The following ATP2B2 variants were observed in gnomAD, a reference collection of about 807,000 sequenced individuals.
ATP2B2 encodes ATPase plasma membrane Ca2+ transporting 2.
A neutral mutation model predicts 120.0 loss-of-function variants in ATP2B2; 15 were observed. That is an observed-to-expected ratio of 0.12 (90% confidence interval 0.08 to 0.19). The LOEUF (loss-of-function observed/expected upper bound fraction) is 0.19, where lower values mean the gene tolerates loss of function less well. ATP2B2 is among the 10% of genes least tolerant of loss of function. ATP2B2 has a pLI of 1.00. For missense variants in ATP2B2, 1,045 were observed against 1,719.8 expected, an observed-to-expected ratio of 0.61 and a Z score of 6.94; for synonymous variants, 694 against 700.3, an observed-to-expected ratio of 0.99 and a Z score of 0.14.
rs2060429498 is a variant in ATP2B2 at position 10,346,259 on chromosome 3, C to T, written c.2405-122G>A. On this transcript the variant is annotated intron_variant, in intron 16 of 22. Transcript: ENST00000360273. The surrounding 1 kb of genome is among the most constrained non-coding windows in gnomAD (Gnocchi z 4.1). ...TTCCTCTCTGGTCCCTGTCCAGCCG[C>T]CCCCTCCATCCAGGCTCTTCCCAGC... The T allele has an allele frequency of 2.2e-6, 2 of 905,326 alleles. No homozygotes were observed. The highest frequency in any genetic ancestry group is 2.6e-5 in the East Asian group (1 of 38,054). The allele number at this position is 905,326 out of a possible 1,614,324, so 56.1% of individuals were successfully genotyped here. A position where few individuals can be genotyped will look rare whatever the true frequency, so the allele number is the denominator to read the frequency against.
At chr3:10,695,251 G>GGGGGGGGAGAGA (rs796790324) in intron 1 of ATP2B2, among the ~76,000 whole-genome samples, 1 of 126,908 alleles carries the variant, frequency 7.9e-6, no homozygotes, top group African/African-American at 3.4e-5. Flanking sequence ...AGGGAGGGAG[G>GGGGGGGGAGAGA]GAGAGAGAGA....
intron 2 of ATP2B2, among the ~76,000 whole-genome samples, chr3:10,423,183 T>C (rs935304775): frequency 5.9e-5 from 9 of 152,222 alleles, no homozygotes; most frequent in Admixed American, 5.9e-4. Context: ...TTAACAAACT[T>C]ATTGTTTATT....
intron 1 of ATP2B2, among the ~76,000 whole-genome samples, chr3:10,472,230 A>G (rs548635176): frequency 6.6e-6 from 1 of 152,212 alleles, no homozygotes; most frequent in East Asian, 1.9e-4. Flanking sequence ...CGGAGGAAAG[A>G]GTGAGGGCAG....
Position 10,449,023 on chromosome 3 carries a change from C to A in ATP2B2, c.199+322G>T, listed in dbSNP as rs570416471. On this transcript the variant is annotated intron_variant, in intron 2 of 22. Transcript: ENST00000360273. ...TCTGCCTCTGCCTCAGAAACTAGTGCCTCCCATAGTAACAGAATGTTGAAC... is the reference window on the plus strand; with the variant it reads ...TCTGCCTCTGCCTCAGAAACTAGTGACTCCCATAGTAACAGAATGTTGAAC... Among the ~76,000 whole-genome samples, 17 of 152,330 alleles carry A rather than the reference C, an allele frequency of 1.1e-4. No homozygotes were observed. The South Asian group carries it at 3.5e-3, about 32-fold the overall frequency.
intron 2 of ATP2B2, among the ~76,000 whole-genome samples, chr3:10,601,197 A>G (rs1433204097): frequency 3.3e-5 from 5 of 152,106 alleles, no homozygotes; most frequent in Non-Finnish European, 7.4e-5. Context: ...CTAGGCAAAA[A>G]AGAAGAAGGA....
intron 2 of ATP2B2, among the ~76,000 whole-genome samples, chr3:10,438,684 A>T (rs1374975215): frequency 6.6e-6 from 1 of 152,210 alleles, no homozygotes; most frequent in East Asian, 1.9e-4. Flanking sequence ...GCCTGTATAA[A>T]TAACTTACCC....
intron 1 of ATP2B2, among the ~76,000 whole-genome samples, chr3:10,476,586 T>C (rs1292137291): frequency 1.3e-5 from 2 of 152,220 alleles, no homozygotes; most frequent in Admixed American, 1.3e-4. Context: ...ACAGCTTTTC[T>C]GTGGCTGCAT....
At chr3:10,410,562 C>G in intron 3 of ATP2B2, 56 bp downstream of exon 3, 1 of 1,527,418 alleles carries the variant, frequency 6.5e-7, no homozygotes, top group Non-Finnish European at 8.9e-7. Context: ...TGCCCCCCAG[C>G]GTGGATGCGG....
At chr3:10,597,474 A>G (rs60960306) in intron 2 of ATP2B2, among the ~76,000 whole-genome samples, 22,080 of 152,134 alleles carry the variant, frequency 0.15, 1,782 homozygotes, top group East Asian at 0.34. Context: ...GGAAGTTAGG[A>G]GGAGCCCCTA....
Position 10,328,661 on chromosome 3 carries a change from G to T in ATP2B2, c.*153C>A. On this transcript the variant is annotated 3_prime_UTR_variant, in exon 23 of 23. Transcript: ENST00000360273. ...AGCATCGCAGCCAGAGAAAGGGTCT[G>T]TGGGTGGAAACGTTGGTTTTCTCTC... 1 of 754,140 alleles carries T rather than the reference G, an allele frequency of 1.3e-6. No individual in the cohort carries two copies. Among genetic ancestry groups the T allele is most frequent in the Non-Finnish European group, 2.1e-6 (1 of 476,090 alleles). The allele number at this position is 754,140 out of a possible 1,614,324, so 46.7% of individuals were successfully genotyped here.
intron 2 of ATP2B2, among the ~76,000 whole-genome samples, chr3:10,545,187 A>G: frequency 6.6e-6 from 1 of 152,238 alleles, no homozygotes; most frequent in African/African-American, 2.4e-5. Flanking sequence ...GACTAAGACA[A>G]AAGTGAAACT....
At chr3:10,471,730 A>G (rs11918552) in intron 1 of ATP2B2, among the ~76,000 whole-genome samples, 40,243 of 152,124 alleles carry the variant, frequency 0.26, 6,787 homozygotes, top group Non-Finnish European at 0.38. Flanking sequence ...GTCTGTATAC[A>G]TCAAAGCATC....
rs186716357 is a variant in ATP2B2 at position 10,547,173 on chromosome 3, G to A, written c.-414-13040C>T. On this transcript the variant is annotated intron_variant, in intron 2 of 21. Transcript: ENST00000646379. ...CAAGGGCGGGGGCAAAGAGGCAGGC[G>A]GGTACAGCTCACAGTAGATGTAGGA... Among the ~76,000 whole-genome samples the A allele has an allele frequency of 6.4e-3, 981 of 152,174 alleles. 6 individuals carry two copies. The highest frequency in any genetic ancestry group is 8.4e-3 in the Non-Finnish European group (571 of 67,988).
At chr3:10,495,421 C>T (rs1231753238) in intron 1 of ATP2B2, among the ~76,000 whole-genome samples, 3 of 152,192 alleles carry the variant, frequency 2.0e-5, no homozygotes, top group Non-Finnish European at 2.9e-5. Context: ...TCTCTGAGAC[C>T]ATGTTGCTCA....
At chr3:10,469,239 T>C (rs946449632) in intron 1 of ATP2B2, among the ~76,000 whole-genome samples, 1 of 152,256 alleles carries the variant, frequency 6.6e-6, no homozygotes, top group African/African-American at 2.4e-5. Context: ...ATTCTCTATG[T>C]GCCAAGCCCT....
intron 1 of ATP2B2, among the ~76,000 whole-genome samples, chr3:10,644,602 A>G (rs187722558): frequency 6.6e-6 from 1 of 152,370 alleles, no homozygotes; most frequent in African/African-American, 2.4e-5. Context: ...AAGTACTAAT[A>G]CATGCTCCAC....
chr3:10,663,577 C>T (rs2070846358), intron 1 of ATP2B2, among the ~76,000 whole-genome samples: 1 of 152,156 alleles, frequency 6.6e-6, no homozygotes, highest in Non-Finnish European at 1.5e-5. Context: ...ACCACACGCT[C>T]CCAGGTGGTT....
At chr3:10,600,434 C>T (rs890930721) in intron 2 of ATP2B2, among the ~76,000 whole-genome samples, 1 of 152,234 alleles carries the variant, frequency 6.6e-6, no homozygotes, top group African/African-American at 2.4e-5. Context: ...GTCATCTCCC[C>T]CTACCAGCCT....
At chr3:10,514,523 G>T (rs2125443686) in intron 3 of ATP2B2, among the ~76,000 whole-genome samples, 1 of 152,294 alleles carries the variant, frequency 6.6e-6, no homozygotes, top group South Asian at 2.1e-4. Flanking sequence ...AGGGCTGGAG[G>T]TGCCGCTGCA....
Sources: gnomAD v4.1 joint callset for allele counts (sites outside exome capture counted in the v4.1 genomes callset) on GRCh38, gnomAD v4.1.1 for gene constraint, Gnocchi (gnomAD v3.1) non-coding constraint, MANE v1.5 for transcripts, NCBI Gene and HGNC (gene_info 2026-07-23, HGNC 2026-07-21) for gene names.